Variants in STAU2 observed in about 807,000 individuals in gnomAD.
STAU2 encodes double-stranded RNA-binding protein Staufen homolog 2.
Under a neutral mutation model 65.9 loss-of-function variants are expected in STAU2, and 20 were observed. The ratio of observed to expected loss-of-function variants is 0.30; its 90% CI spans 0.21 to 0.44. STAU2 has a LOEUF of 0.44. Among genes scored for constraint, STAU2 ranks in the 20% least tolerant of loss-of-function variants. The probability of loss-of-function intolerance (pLI) is 1.00; values close to 1 mark genes in which losing one functional copy is unlikely to be tolerated. For synonymous variants in STAU2, 232 were observed against 233.9 expected (o/e 0.99, Z 0.07); for missense variants, 558 against 683.9 (o/e 0.82, Z 2.05).
At chr8:73,504,771 A>T (rs2383918) in intron 13 of STAU2, among the ~76,000 whole-genome samples, 5,713 of 152,192 alleles carry the variant, frequency 0.038, 266 homozygotes, top group Admixed American at 0.13. Flanking sequence ...TTTTAAAATA[A>T]CCTTAAATAA....
intron 13 of STAU2, among the ~76,000 whole-genome samples, chr8:73,459,068 A>G (rs938584139): frequency 6.6e-6 from 1 of 152,144 alleles, no homozygotes; most frequent in African/African-American, 2.4e-5. Context: ...AAGTAATCAC[A>G]TTTTCATCTT....
intron 4 of STAU2, among the ~76,000 whole-genome samples, chr8:73,692,493 C>T (rs903704005): frequency 6.6e-6 from 1 of 152,080 alleles, no homozygotes; most frequent in Non-Finnish European, 1.5e-5. Context: ...ACCACGCCGG[C>T]CCTCCTATGT....
chr8:73,685,264 T>C (rs926753309), intron 5 of STAU2, among the ~76,000 whole-genome samples: 1 of 152,082 alleles, frequency 6.6e-6, no homozygotes, highest in Non-Finnish European at 1.5e-5. Context: ...AAGTTCTTTA[T>C]AGCAGTGTGA....
chr8:73,728,695 T>C (rs1240051515), intron 3 of STAU2, among the ~76,000 whole-genome samples: 1 of 152,228 alleles, frequency 6.6e-6, no homozygotes, highest in Non-Finnish European at 1.5e-5. Context: ...CTATTATAAA[T>C]GCAATCTTTT....
At chr8:73,527,069 T>C (rs979123413) in intron 13 of STAU2, among the ~76,000 whole-genome samples, 2 of 152,222 alleles carry the variant, frequency 1.3e-5, no homozygotes, top group African/African-American at 2.4e-5. Flanking sequence ...ACATTTTCTA[T>C]GTTTAAATAT....
In STAU2 at chr8:73,538,531, T is replaced by C. The variant is rs145905717; in HGVS notation, c.1530+13481A>G. ...CTCTTAATTAGAAAAACAAAGTCAG[T>C]GGGGCAATGTGGTACTGTCTACCTC... On this transcript the variant is annotated intron_variant, in intron 13 of 14. Coordinates refer to ENST00000524300, the MANE Select transcript of STAU2 (RefSeq NM_001164380.2). Among the ~76,000 whole-genome samples, 50 of 152,016 alleles carry C rather than the reference T, an allele frequency of 3.3e-4. No individual in the cohort carries two copies. In the East Asian group the frequency reaches 8.9e-3, roughly 27 times the overall value.
intron 4 of STAU2, among the ~76,000 whole-genome samples, chr8:73,703,207 G>A (rs185326416): frequency 9.2e-5 from 14 of 152,252 alleles, no homozygotes; most frequent in East Asian, 7.7e-4. Context: ...ATGGTTTAGC[G>A]CCATCCCTTG....
chr8:73,651,738 T>C, intron 6 of STAU2: 1 of 428,482 alleles, frequency 2.3e-6, no homozygotes, highest in South Asian at 2.1e-5. Context: ...GGACCAGCCC[T>C]GTCCACGGGG....
intron 13 of STAU2, among the ~76,000 whole-genome samples, chr8:73,499,850 A>C (rs1314342107): frequency 6.6e-6 from 1 of 151,928 alleles, no homozygotes; most frequent in Admixed American, 6.6e-5. Context: ...ATATCCTTGC[A>C]TATGGGCTCT....
intron 13 of STAU2, among the ~76,000 whole-genome samples, chr8:73,458,060 C>T (rs2080230749): frequency 6.6e-6 from 1 of 152,218 alleles, no homozygotes; most frequent in African/African-American, 2.4e-5. Flanking sequence ...GGCACACTAA[C>T]ACCAACCTGC....
intron 7 of STAU2, among the ~76,000 whole-genome samples, chr8:73,617,067 C>G (rs536522082): frequency 4.0e-4 from 61 of 152,082 alleles, no homozygotes; most frequent in African/African-American, 1.5e-3. Context: ...TTCTCATCCT[C>G]ATATACATCC....
chr8:73,673,267 G>A, intron 5 of STAU2, 25 bp from the exon 6 acceptor site: 2 of 1,515,518 alleles, frequency 1.3e-6, no homozygotes, highest in South Asian at 1.3e-5. Context: ...AACATTAAAG[G>A]CACACAAGTG....
chr8:73,476,123 G>A (rs1820315033), intron 13 of STAU2, among the ~76,000 whole-genome samples: 1 of 152,100 alleles, frequency 6.6e-6, no homozygotes, highest in Non-Finnish European at 1.5e-5. Flanking sequence ...GTTACCAATG[G>A]GAGCGATATG....
At chr8:73,522,968 C>A (rs941362637) in intron 13 of STAU2, among the ~76,000 whole-genome samples, 4 of 151,948 alleles carry the variant, frequency 2.6e-5, no homozygotes, top group Non-Finnish European at 4.4e-5. Context: ...GAGGCCAAGG[C>A]GCACAGATCA....
At chr8:73,447,678 G>C (rs1818547762) in intron 13 of STAU2, among the ~76,000 whole-genome samples, 1 of 152,232 alleles carries the variant, frequency 6.6e-6, no homozygotes, top group Admixed American at 6.5e-5. Flanking sequence ...TGGAAGGGAA[G>C]GGACCCGAAG....
At chr8:73,640,077 A>G (rs2130117700) in intron 6 of STAU2, among the ~76,000 whole-genome samples, 1 of 152,276 alleles carries the variant, frequency 6.6e-6, no homozygotes, top group East Asian at 1.9e-4. Flanking sequence ...TAGCCTATCA[A>G]AGTCAACTTC....
intron 9 of STAU2, among the ~76,000 whole-genome samples, chr8:73,605,842 T>TACACACAC (rs1176899097): frequency 3.6e-4 from 43 of 118,382 alleles, no homozygotes; most frequent in South Asian, 5.9e-4. Context: ...CACATACACA[T>TACACACAC]ACACACACAC....
intron 13 of STAU2, among the ~76,000 whole-genome samples, chr8:73,451,422 G>T (rs913048398): frequency 1.3e-5 from 2 of 152,044 alleles, no homozygotes; most frequent in African/African-American, 4.8e-5. Context: ...AACTCACAGA[G>T]AACTTGTTTG....
chr8:73,671,470 G>T (rs1817671034), intron 6 of STAU2, among the ~76,000 whole-genome samples: 1 of 151,844 alleles, frequency 6.6e-6, no homozygotes, highest in Admixed American at 6.6e-5. Context: ...AGTGTTCTCA[G>T]AATAGAATAA....
Sources: gnomAD v4.1 joint callset for allele counts (sites outside exome capture counted in the v4.1 genomes callset) on GRCh38, gnomAD v4.1.1 for gene constraint, MANE v1.5 for transcripts, NCBI Gene and HGNC (gene_info 2026-07-23, HGNC 2026-07-21) for gene names.